Variants in RHBDD1 observed in about 807,000 individuals in gnomAD.
The protein encoded by RHBDD1 is rhomboid domain containing 1.
RHBDD1 carries 38 observed loss-of-function variants against 36.3 expected under a neutral mutation model. The observed-to-expected ratio is 1.05, with a 90% CI of 0.81 to 1.37. The LOEUF (loss-of-function observed/expected upper bound fraction) is 1.37. Among genes scored for constraint, RHBDD1 ranks in the 40% most tolerant of loss-of-function variants. The pLI is 0.00. For synonymous variants in RHBDD1, 151 were observed against 136.5 expected (o/e 1.11, Z -0.74); for missense variants, 393 against 377.6 (o/e 1.04, Z -0.34).
the RHBDD1 span, among the ~76,000 whole-genome samples, chr2:226,814,295 G>A: frequency 1.5e-3 from 223 of 152,058 alleles, 5 homozygotes; most frequent in African/African-American, 5.3e-3. Flanking sequence ...GGGAAGAAAA[G>A]TATCCTCTTC....
At chr2:226,810,385 T>C in the RHBDD1 span, among the ~76,000 whole-genome samples, 1 of 151,062 alleles carries the variant, frequency 6.6e-6, no homozygotes, top group Non-Finnish European at 1.5e-5. Flanking sequence ...ACTAAAAATA[T>C]AAAAATTAGC....
intron 5 of RHBDD1, among the ~76,000 whole-genome samples, chr2:226,901,706 C>T (rs921730816): frequency 6.6e-6 from 1 of 152,226 alleles, no homozygotes; most frequent in Admixed American, 6.5e-5. Context: ...AGGCATCCAG[C>T]AGAACGGAGA....
rs1384033627 is a variant in RHBDD1, at chr2:226,994,454, G to T, written c.857-977G>T. ...GAGTTCTTCCATTGGTTCTATCGGG[G>T]TTGACCTAGCATTACAAGAGTGAGT... On this transcript the variant is annotated intron_variant, in intron 8 of 8. Coordinates refer to ENST00000392062, the MANE Select transcript of RHBDD1 (RefSeq NM_001167608.3). Among the ~76,000 whole-genome samples the T allele has an allele frequency of 2.0e-5, 3 of 152,320 alleles. No homozygotes were observed. In the East Asian group the frequency reaches 5.8e-4, roughly 29 times the overall value.
At chr2:226,898,257 T>C (rs1293286811) in intron 5 of RHBDD1, among the ~76,000 whole-genome samples, 7 of 152,234 alleles carry the variant, frequency 4.6e-5, no homozygotes, top group Non-Finnish European at 1.0e-4. Context: ...TTAGCAGGCG[T>C]AGGGACATGG....
At chr2:226,984,819 C>T (rs1212726980) in intron 8 of RHBDD1, among the ~76,000 whole-genome samples, 1 of 151,978 alleles carries the variant, frequency 6.6e-6, no homozygotes, top group Non-Finnish European at 1.5e-5. Context: ...TTCTGAGTGT[C>T]CTTAGACAGC....
chr2:226,808,204 G>A, the RHBDD1 span, among the ~76,000 whole-genome samples: 7 of 152,158 alleles, frequency 4.6e-5, no homozygotes, highest in Non-Finnish European at 1.0e-4. Context: ...AGCAGAATTT[G>A]CAGGTGGTAT....
intron 8 of RHBDD1, among the ~76,000 whole-genome samples, chr2:226,956,386 C>G (rs1951794285): frequency 6.6e-6 from 1 of 152,174 alleles, no homozygotes; most frequent in Admixed American, 6.5e-5. Context: ...TTAGTAATAG[C>G]TGCAGGAGTA....
chr2:226,850,979 T>G (rs1281503198), intron 3 of RHBDD1, among the ~76,000 whole-genome samples: 1 of 152,132 alleles, frequency 6.6e-6, no homozygotes, highest in Admixed American at 6.5e-5. Context: ...CATTGTCTCC[T>G]CTCTGATTAT....
At chr2:226,856,997 C>T (rs1456169358) in intron 3 of RHBDD1, among the ~76,000 whole-genome samples, 1 of 152,086 alleles carries the variant, frequency 6.6e-6, no homozygotes, top group African/African-American at 2.4e-5. Context: ...GCAGTCTTTG[C>T]AGTTTAACCA....
the RHBDD1 span, chr2:226,808,777 T>C: frequency 6.6e-6 from 1 of 152,118 alleles, no homozygotes; most frequent in Non-Finnish European, 1.5e-5. Flanking sequence ...TCATTTCTAC[T>C]GTATGTATCC....
chr2:226,980,938 C>T (rs1001583513), intron 8 of RHBDD1, among the ~76,000 whole-genome samples: 5 of 152,198 alleles, frequency 3.3e-5, no homozygotes, highest in East Asian at 1.9e-4. Flanking sequence ...AATATCTCTC[C>T]GTAGCAGAGA....
Position 226,865,099 on chromosome 2 carries a change from A to C in RHBDD1, c.406A>C (p.Lys136Gln), listed in dbSNP as rs754915002. The change falls in exon 4 of 9, where the codon AAA becomes CAA. Residue 136 changes from lysine to glutamine, a missense_variant. Lys to Gln is a moderately conservative substitution (Grantham distance 53, BLOSUM62 1). Coordinates refer to ENST00000392062, the MANE Select transcript of RHBDD1 (RefSeq NM_001167608.3). ...VAEFMDEPDF[K>Q]RSCAVGFSGV... is the part of the protein sequence containing the mutation. ...CGAATTTATGGATGAACCTGACTTC[A>C]AAAGGAGCTGTGCTGTAGGTTTCTC... is the stretch of plus-strand genomic sequence containing the variant. 1 of 1,613,814 alleles carries C rather than the reference A, an allele frequency of 6.2e-7. No homozygotes were observed. The highest frequency in any genetic ancestry group is 1.7e-5 in the Admixed American group (1 of 59,982).
At chr2:226,933,403 G>T (rs1041711722) in intron 8 of RHBDD1, among the ~76,000 whole-genome samples, 4 of 152,088 alleles carry the variant, frequency 2.6e-5, no homozygotes, top group Non-Finnish European at 5.9e-5. Context: ...AGTCTCTCTT[G>T]TGAGACCAGA....
intron 8 of RHBDD1, among the ~76,000 whole-genome samples, chr2:226,933,973 A>C (rs1027838009): frequency 2.0e-5 from 3 of 152,092 alleles, no homozygotes; most frequent in African/African-American, 7.2e-5. Context: ...AAGGTTTTAG[A>C]CTAAGGAGTT....
chr2:226,829,746 C>T, the RHBDD1 span, among the ~76,000 whole-genome samples: 1 of 152,056 alleles, frequency 6.6e-6, no homozygotes, highest in African/African-American at 2.4e-5. Flanking sequence ...TATCTGTGTG[C>T]GTGTGTATGT....
intron 5 of RHBDD1, among the ~76,000 whole-genome samples, chr2:226,898,444 AATC>A (rs1384098965): frequency 6.6e-6 from 1 of 152,170 alleles, no homozygotes; most frequent in Non-Finnish European, 1.5e-5. Context: ...ATGTTTAATA[AATC>A]ATCATGGATT....
At chr2:226,941,038 T>A (rs1950629180) in intron 8 of RHBDD1, among the ~76,000 whole-genome samples, 1 of 131,180 alleles carries the variant, frequency 7.6e-6, no homozygotes, top group Non-Finnish European at 1.6e-5. Flanking sequence ...CCTCCACCTC[T>A]CAGGTTCAAG....
intron 8 of RHBDD1, among the ~76,000 whole-genome samples, chr2:226,941,846 A>G (rs1950686745): frequency 6.6e-6 from 1 of 152,198 alleles, no homozygotes; most frequent in South Asian, 2.1e-4. Context: ...AATTCCTTCC[A>G]GGTTAATGAG....
chr2:226,890,036 C>T (rs1946559497), intron 5 of RHBDD1, among the ~76,000 whole-genome samples: 1 of 152,168 alleles, frequency 6.6e-6, no homozygotes, highest in Non-Finnish European at 1.5e-5. Flanking sequence ...GCTACCATTT[C>T]CGTGTCCCTG....
Sources: allele counts gnomAD v4.1 joint callset (sites outside exome capture counted in the v4.1 genomes callset), GRCh38; gene constraint gnomAD v4.1.1; transcripts MANE v1.5; gene names NCBI Gene and HGNC (gene_info 2026-07-23, HGNC 2026-07-21).